The following LARP6 variants were observed in gnomAD, a reference collection of about 807,000 sequenced individuals.
LARP6 encodes La ribonucleoprotein 6, translational regulator, also known as la-related protein 6.
In LARP6, 18 loss-of-function variants were observed where a neutral mutation model predicts 32.8. The ratio of observed to expected loss-of-function variants is 0.55; its 90% confidence interval spans 0.38 to 0.81. LARP6 has a LOEUF of 0.81. LARP6 is among the 40% of genes least tolerant of loss of function. The pLI is 0.00. For synonymous variants in LARP6, 289 were observed against 267.2 expected (o/e 1.08, Z -0.80); for missense variants, 598 against 663.1 (o/e 0.90, Z 1.08).
At position 70,832,863 on chromosome 15, in the gene LARP6, C is replaced by A; in HGVS notation, c.665G>T (p.Gly222Val). The A allele has an allele frequency of 6.2e-7, 1 of 1,611,758 alleles. No individual in the cohort carries two copies. Among genetic ancestry groups the A allele is most frequent in the Non-Finnish European group, 8.5e-7 (1 of 1,179,256 alleles). Residue 222 changes from glycine to valine, a missense_variant, in exon 3 of 3, where the codon GGG (glycine) becomes GTG (valine). Coordinates refer to ENST00000299213, the MANE Select transcript of LARP6 (RefSeq NM_018357.4). ...CACTGATGAGATGACTCCAAAAGTC[C>A]CAAAAAGCTTGAGCAGGTGTTCCAT... ...KVMEHLLKLF[G>V]TFGVISSVRI...
intron 1 of LARP6, among the ~76,000 whole-genome samples, chr15:70,839,145 T>C (rs1013084242): frequency 2.0e-5 from 3 of 152,082 alleles, no homozygotes; most frequent in Non-Finnish European, 2.9e-5. Flanking sequence ...TCAAGGTAAA[T>C]GTAGAGTGAA....
At chr15:70,839,990 C>T (rs2032222939) in intron 1 of LARP6, among the ~76,000 whole-genome samples, 1 of 152,206 alleles carries the variant, frequency 6.6e-6, no homozygotes, top group Non-Finnish European at 1.5e-5. Context: ...TTATAACTAT[C>T]TACCTGCAGA....
intron 1 of LARP6, among the ~76,000 whole-genome samples, chr15:70,839,592 G>GC: frequency 6.6e-6 from 1 of 151,664 alleles, no homozygotes; most frequent in East Asian, 1.9e-4. Context: ...CTTTCCTTTT[G>GC]TTTTTTTTGA....
intron 1 of LARP6, chr15:70,851,926 T>A: frequency 1.5e-6 from 1 of 681,454 alleles, no homozygotes; most frequent in Non-Finnish European, 2.4e-6. Flanking sequence ...CAGAGGCATG[T>A]AGACACAAAA....
intron 1 of LARP6, chr15:70,851,738 T>C (rs750989170): frequency 6.2e-7 from 1 of 1,613,848 alleles, no homozygotes; most frequent in African/African-American, 1.3e-5. Context: ...GGAGACACAA[T>C]GATAGAATCA....
chr15:70,849,392 A>C (rs143467893), intron 1 of LARP6: 82 of 154,464 alleles, frequency 5.3e-4, no homozygotes, highest in African/African-American at 6.5e-4. Flanking sequence ...AACAAACAAA[A>C]AAATATATAT....
At chr15:70,842,529 C>A (rs964330954) in intron 1 of LARP6, among the ~76,000 whole-genome samples, 1 of 152,164 alleles carries the variant, frequency 6.6e-6, no homozygotes, top group East Asian at 1.9e-4. Flanking sequence ...TAACTGCATG[C>A]CAGACATTTC....
intron 1 of LARP6, chr15:70,853,331 A>T (rs1238150150): frequency 6.6e-6 from 1 of 151,824 alleles, no homozygotes; most frequent in Non-Finnish European, 1.5e-5. Flanking sequence ...CAAGTCCTCT[A>T]TCCGTCTCAA....
In LARP6 at chr15:70,832,628, A is replaced by C. The variant is rs752033606; in HGVS notation, c.900T>G (p.Pro300=). Residue 300 remains proline, a synonymous_variant, in exon 3 of 3, where the codon CCT becomes CCG. Transcript: ENST00000299213. ...CCTCGTCATGATTTTTGTCTTTGGC[A>C]GGTTTCTTTTTGGGTGGCTTCATAC... ...LIGMKPPKKK[P]AKDKNHDEEP... is the part of the protein sequence containing the mutation. 6.2e-7 allele frequency: 1 copy of C among 1,608,252 alleles called. No individual in the cohort carries two copies. Among genetic ancestry groups the C allele is most frequent in the Non-Finnish European group, 8.5e-7 (1 of 1,178,438 alleles).
chr15:70,852,281 G>C (rs1370863035), intron 1 of LARP6: 2 of 455,748 alleles, frequency 4.4e-6, no homozygotes, highest in African/African-American at 4.0e-5. Flanking sequence ...GCAGCAGGAA[G>C]GGCTTCAGAC....
chr15:70,845,564 T>C (rs1344959871), intron 1 of LARP6, among the ~76,000 whole-genome samples: 2 of 152,216 alleles, frequency 1.3e-5, no homozygotes, highest in African/African-American at 4.8e-5. Context: ...GAGGTAGTGT[T>C]TGTCGGGTTT....
intron 1 of LARP6, chr15:70,849,850 T>G (rs1221992249): frequency 6.6e-6 from 1 of 152,142 alleles, no homozygotes; most frequent in Non-Finnish European, 1.5e-5. Flanking sequence ...AAACTGTAAT[T>G]AAAGGGAAAT....
At chr15:70,834,562 G>A (rs74454537) in intron 2 of LARP6, among the ~76,000 whole-genome samples, 1,954 of 152,324 alleles carry the variant, frequency 0.013, 18 homozygotes, top group Non-Finnish European at 0.02. Context: ...TGAGCTAGGA[G>A]CACCTGGGAA....
chr15:70,853,973 T>G lies in LARP6; in HGVS notation c.116A>C (p.Glu39Ala). The change falls in exon 1 of 3, where the codon GAG becomes GCG. Residue 39 changes from glutamate to alanine, a missense_variant. Around this residue, in one of 3 missense-constraint regions of LARP6, gnomAD observed 161 missense variants for 148.6 expected, o/e 1.08. Coordinates refer to ENST00000299213, the MANE Select transcript of LARP6 (RefSeq NM_018357.4). Reference protein sequence around the residue: ...DELEDEEEGAETRGAGDPARY... With the variant: ...DELEDEEEGAATRGAGDPARY... ...GGCCGGGTCCCCGGCGCCCCGAGTCTCCGCCCCCTCCTCCTCGTCCTCCAA... is the reference window on the plus strand; with the variant it reads ...GGCCGGGTCCCCGGCGCCCCGAGTCGCCGCCCCCTCCTCCTCGTCCTCCAA... 1 of 1,459,958 alleles carries G rather than the reference T, an allele frequency of 6.8e-7. No homozygotes were observed. The highest frequency in any genetic ancestry group is 1.5e-5 in the African/African-American group (1 of 68,046). 90.4% of individuals were successfully genotyped at this position (1,459,958 alleles called of 1,614,324 possible).
chr15:70,832,882 G>T lies in LARP6; in HGVS notation c.646C>A (p.His216Asn). 2 of 1,609,114 alleles carry T rather than the reference G, an allele frequency of 1.2e-6. No homozygotes were observed. The highest frequency in any genetic ancestry group is 1.7e-6 in the Non-Finnish European group (2 of 1,178,044). ...AAAGTCCCAAAAAGCTTGAGCAGGT[G>T]TTCCATCACCTTCTCTTGCACCCTT... is the stretch of plus-strand genomic sequence containing the variant. ...NGRVQEKVMEHLLKLFGTFGV... is the reference protein window; with the variant it reads ...NGRVQEKVMENLLKLFGTFGV... Residue 216 changes from histidine to asparagine, a missense_variant, in exon 3 of 3, where the codon CAC becomes AAC. His to Asn is a moderately conservative substitution (Grantham distance 68, BLOSUM62 1). This residue lies in a region of LARP6 where 368 missense variants were observed against 397.9 expected (regional missense o/e 0.92). Coordinates refer to ENST00000299213, the MANE Select transcript of LARP6 (RefSeq NM_018357.4).
At chr15:70,848,154 T>A (rs149012221) in intron 1 of LARP6, among the ~76,000 whole-genome samples, 1 of 152,342 alleles carries the variant, frequency 6.6e-6, no homozygotes, top group Non-Finnish European at 1.5e-5. Context: ...CTCAACTTTG[T>A]TAAAGGCATC....
intron 1 of LARP6, among the ~76,000 whole-genome samples, chr15:70,848,338 G>C (rs1442768358): frequency 6.6e-6 from 1 of 152,206 alleles, no homozygotes; most frequent in African/African-American, 2.4e-5. Context: ...TATACAACTA[G>C]TGGATGTCTC....
intron 1 of LARP6, among the ~76,000 whole-genome samples, chr15:70,846,855 T>G (rs768275903): frequency 2.8e-4 from 43 of 152,214 alleles, no homozygotes; most frequent in Non-Finnish European, 4.9e-4. Context: ...CTGAATGCCT[T>G]GCTCCTCTCT....
chr15:70,839,163 G>T (rs1021301078), intron 1 of LARP6, among the ~76,000 whole-genome samples: 3 of 152,176 alleles, frequency 2.0e-5, no homozygotes, highest in South Asian at 4.1e-4. Context: ...GAAGAAGCCT[G>T]GCACGGTGGC....
Sources: allele counts gnomAD v4.1 joint callset (sites outside exome capture counted in the v4.1 genomes callset), GRCh38; gene constraint gnomAD v4.1.1; regional missense constraint gnomAD v4.1.1; transcripts MANE v1.5; gene names NCBI Gene and HGNC (gene_info 2026-07-23, HGNC 2026-07-21).